SLC24A3: variants seen among roughly 807,000 people sequenced by gnomAD.
SLC24A3 encodes sodium/potassium/calcium exchanger 3.
A neutral mutation model predicts 75.8 loss-of-function variants in SLC24A3; 28 were observed. The ratio of observed to expected loss-of-function variants is 0.37; its 90% CI spans 0.27 to 0.51. The LOEUF (loss-of-function observed/expected upper bound fraction) is 0.51, where lower values mean the gene tolerates loss of function less well. SLC24A3 is among the 20% of genes least tolerant of loss of function. SLC24A3 has a pLI of 0.94. For synonymous variants in SLC24A3, 372 were observed against 334.1 expected (o/e 1.11, Z -1.24); for missense variants, 663 against 847.8 (o/e 0.78, Z 2.71).
chr20:19,523,912 A>G (rs1218376872), intron 3 of SLC24A3, among the ~76,000 whole-genome samples: 1 of 152,130 alleles, frequency 6.6e-6, no homozygotes, highest in South Asian at 2.1e-4. Flanking sequence ...AACTCTGGGC[A>G]TTTTCTGGAC....
At chr20:19,437,038 T>A (rs1987216681) in intron 2 of SLC24A3, among the ~76,000 whole-genome samples, 1 of 152,102 alleles carries the variant, frequency 6.6e-6, no homozygotes, top group African/African-American at 2.4e-5. Context: ...TGGTGAGACA[T>A]GTAAATGTTG....
intron 12 of SLC24A3, among the ~76,000 whole-genome samples, chr20:19,693,003 G>A (rs1481766366): frequency 6.6e-6 from 1 of 151,962 alleles, no homozygotes. Context: ...TTACTAAGAA[G>A]TGATTCACCC....
chr20:19,557,589 T>G (rs930846138), intron 3 of SLC24A3, among the ~76,000 whole-genome samples: 3 of 152,218 alleles, frequency 2.0e-5, no homozygotes, highest in African/African-American at 7.2e-5. Context: ...TTGCCTGGTG[T>G]TGTTTTCTAG....
chr20:19,603,779 A>G (rs1335717404), intron 6 of SLC24A3, among the ~76,000 whole-genome samples: 2 of 151,150 alleles, frequency 1.3e-5, no homozygotes, highest in Non-Finnish European at 3.0e-5. Context: ...ATATTCAAAG[A>G]AAAAAAAACA....
intron 7 of SLC24A3, among the ~76,000 whole-genome samples, chr20:19,663,396 GCCTCCTCCTCCACCTCCT>G (rs2032352865): frequency 1.6e-4 from 1 of 6,284 alleles, no homozygotes; most frequent in Non-Finnish European, 4.1e-4. Flanking sequence ...CTTTGTGGAG[GCCTCCTCCTCCACCTCCT>G]CCTCCTCCTC....
At chr20:19,713,950 T>C (rs544003154) in intron 15 of SLC24A3, among the ~76,000 whole-genome samples, 1 of 152,224 alleles carries the variant, frequency 6.6e-6, no homozygotes, top group East Asian at 1.9e-4. Flanking sequence ...AACCAGAGGG[T>C]TGCAAACATT....
At chr20:19,242,965 TC>T (rs1982374337) in intron 1 of SLC24A3, among the ~76,000 whole-genome samples, 1 of 152,228 alleles carries the variant, frequency 6.6e-6, no homozygotes, top group South Asian at 2.1e-4. Context: ...ACATTTTTTT[TC>T]CTTTTCTCTT....
At chr20:19,477,397 G>A (rs1987978982) in intron 2 of SLC24A3, among the ~76,000 whole-genome samples, 1 of 152,218 alleles carries the variant, frequency 6.6e-6, no homozygotes, top group Non-Finnish European at 1.5e-5. Context: ...GTTTGCAACT[G>A]GTAGAACCTG....
chr20:19,531,604 CTG>C (rs2030300409), intron 3 of SLC24A3, among the ~76,000 whole-genome samples: 1 of 152,226 alleles, frequency 6.6e-6, no homozygotes, highest in Non-Finnish European at 1.5e-5. Flanking sequence ...AGGAAACAAA[CTG>C]TTTGTATTGT....
intron 2 of SLC24A3, among the ~76,000 whole-genome samples, chr20:19,400,403 A>G (rs942518032): frequency 3.3e-5 from 5 of 152,130 alleles, no homozygotes; most frequent in Middle Eastern, 3.2e-3. Context: ...AGACCTTCCC[A>G]TGTACTCTAC....
chr20:19,707,615 A>T (rs943880097), intron 15 of SLC24A3, among the ~76,000 whole-genome samples: 3 of 152,210 alleles, frequency 2.0e-5, no homozygotes, highest in African/African-American at 7.2e-5. Context: ...CAAGGAGCTG[A>T]TGACAAAAAG....
At chr20:19,602,795 C>A in intron 6 of SLC24A3, among the ~76,000 whole-genome samples, 1 of 152,272 alleles carries the variant, frequency 6.6e-6, no homozygotes, top group African/African-American at 2.4e-5. Context: ...GGCAAAGGCA[C>A]GGGAGTCCCT....
intron 2 of SLC24A3, among the ~76,000 whole-genome samples, chr20:19,428,169 G>A (rs1362454595): frequency 6.6e-6 from 1 of 152,196 alleles, no homozygotes; most frequent in Non-Finnish European, 1.5e-5. Context: ...GCATGAGCCC[G>A]GTCTGGTTGT....
intron 2 of SLC24A3, among the ~76,000 whole-genome samples, chr20:19,401,165 A>C (rs976942892): frequency 6.6e-6 from 1 of 152,176 alleles, no homozygotes; most frequent in Non-Finnish European, 1.5e-5. Context: ...AGATTGTCAA[A>C]AGAATCATGA....
At chr20:19,261,425 T>A (rs1328184108) in intron 1 of SLC24A3, among the ~76,000 whole-genome samples, 1 of 152,160 alleles carries the variant, frequency 6.6e-6, no homozygotes, top group Non-Finnish European at 1.5e-5. Flanking sequence ...CACTGCAGCC[T>A]CGAACTCCTG....
intron 6 of SLC24A3, 78 bp downstream of exon 6, chr20:19,585,622 GTC>G (rs2031283917): frequency 7.2e-7 from 1 of 1,393,632 alleles, no homozygotes; most frequent in Non-Finnish European, 1.0e-6. Flanking sequence ...GCAGGAGACT[GTC>G]TTGCTGGAAC....
chr20:19,682,161 A>G (rs1310307009), intron 10 of SLC24A3, among the ~76,000 whole-genome samples, 170 bp downstream of exon 10: 9 of 152,218 alleles, frequency 5.9e-5, no homozygotes, highest in Admixed American at 4.6e-4. Flanking sequence ...AGGCCGAGGC[A>G]TGAGAATCGC....
chr20:19,517,951 G>T (rs2030028067), intron 3 of SLC24A3, among the ~76,000 whole-genome samples: 1 of 152,142 alleles, frequency 6.6e-6, no homozygotes. Flanking sequence ...CTACCCACTA[G>T]AATATAAGCC....
At chr20:19,391,228 C>CT (rs528007925) in intron 2 of SLC24A3, among the ~76,000 whole-genome samples, 47 of 152,278 alleles carry the variant, frequency 3.1e-4, no homozygotes, top group African/African-American at 1.1e-3. Flanking sequence ...TGAGAATTCT[C>CT]TTTTTTTATT....
Sources: gnomAD v4.1 joint callset for allele counts (sites outside exome capture counted in the v4.1 genomes callset) on GRCh38, gnomAD v4.1.1 for gene constraint, MANE v1.5 for transcripts, NCBI Gene and HGNC (gene_info 2026-07-23, HGNC 2026-07-21) for gene names.